Variants in ZNF211 observed in about 807,000 individuals in gnomAD.
ZNF211 encodes the protein zinc finger protein 211.
ZNF211 carries 18 observed loss-of-function variants against 12.1 expected under a neutral mutation model. The ratio of observed to expected loss-of-function variants is 1.48; its 90% CI spans 1.03 to 2.20. The LOEUF (loss-of-function observed/expected upper bound fraction) is 2.20, where lower values mean the gene tolerates loss of function less well. Ranked by LOEUF, ZNF211 falls within the 30% of genes most tolerant of loss-of-function variation. The pLI, the probability that ZNF211 is intolerant of heterozygous loss-of-function variation, is 0.00. For synonymous variants in ZNF211, 249 were observed against 246.0 expected (o/e 1.01, Z -0.11); for missense variants, 677 against 703.1 (o/e 0.96, Z 0.42).
intron 3 of ZNF211, among the ~76,000 whole-genome samples, chr19:57,639,720 C>G (rs1982629866): frequency 6.6e-6 from 1 of 151,980 alleles, no homozygotes; most frequent in Non-Finnish European, 1.5e-5. Flanking sequence ...GCCACCACGC[C>G]CAGTTCTTTG....
intron 3 of ZNF211, 144 bp downstream of exon 3, chr19:57,634,899 A>G (rs1981942685): frequency 7.8e-7 from 1 of 1,277,392 alleles, no homozygotes; most frequent in African/African-American, 1.5e-5. Context: ...ACTGAGTGCA[A>G]GCCTACTTCC....
At position 57,633,429 on chromosome 19, in the gene ZNF211, C is replaced by A; in HGVS notation, c.83C>A (p.Pro28Gln). Residue 28 changes from proline to glutamine, a missense_variant, in exon 1 of 4, where the codon CCG becomes CAG. Physicochemically the swap from Pro to Gln is moderately conservative, Grantham distance 76 (BLOSUM62 -1). Transcript: ENST00000240731. ...CGGATGGCGACCGCACTGAGGGACCCGGCTTCGGTGAGCGCTGCGATCTCC... is the reference window on the plus strand; with the variant it reads ...CGGATGGCGACCGCACTGAGGGACCAGGCTTCGGTGAGCGCTGCGATCTCC... Reference protein sequence around the residue: ...QTRMATALRDPASVPIATEVL... With the variant: ...QTRMATALRDQASVPIATEVL... The A allele has an allele frequency of 3.1e-6, 5 of 1,599,530 alleles. No individual in the cohort carries two copies. Among genetic ancestry groups the A allele is most frequent in the Non-Finnish European group, 3.4e-6 (4 of 1,177,510 alleles).
chr19:57,636,098 A>G (rs547209438), intron 3 of ZNF211, among the ~76,000 whole-genome samples: 1 of 152,272 alleles, frequency 6.6e-6, no homozygotes, highest in East Asian at 1.9e-4. Flanking sequence ...AGTATTAAAT[A>G]TAATTTTTTA....
At position 57,641,130 on chromosome 19, in the gene ZNF211, G is replaced by A. The variant is rs769600934; in HGVS notation, c.683G>A (p.Ser228Asn). 2.5e-6 allele frequency: 4 copies of A among 1,614,188 alleles called. No homozygotes were observed. In the South Asian group the frequency reaches 4.4e-5, roughly 18 times the overall value. Residue 228 changes from serine (S) to asparagine (N), a missense_variant, in exon 4 of 4, where the codon AGT becomes AAT. Physicochemically the swap from Ser to Asn is conservative, Grantham distance 46. Coordinates refer to ENST00000240731, the MANE Select transcript of ZNF211 (RefSeq NM_006385.5). Reference protein sequence around the residue: ...ATQTGEKPNNSNKCAVAFYSG... With the variant: ...ATQTGEKPNNNNKCAVAFYSG... ...CAAACAGGGGAGAAGCCAAATAACA[G>A]TAACAAGTGTGCGGTGGCCTTTTAC...
Position 57,637,031 on chromosome 19 carries a change from A to G in ZNF211, c.256+2276A>G, listed in dbSNP as rs114866483. Among the ~76,000 whole-genome samples the G allele has an allele frequency of 4.4e-3, 676 of 152,292 alleles. 9 individuals are homozygous for G. Among genetic ancestry groups the G allele is most frequent in the African/African-American group, 0.015 (640 of 41,572 alleles). On this transcript the variant is annotated intron_variant, in intron 3 of 3. Coordinates refer to ENST00000240731, the MANE Select transcript of ZNF211 (RefSeq NM_006385.5). ...GTATAGAAACGTAACTGATTTTTGC[A>G]TGTTGTATTTATATTCTCCTATTTG...
chr19:57,641,842 T>G lies in ZNF211; in HGVS notation c.1395T>G (p.Pro465=). The G allele has an allele frequency of 2.5e-6, 4 of 1,614,112 alleles. No homozygotes were observed. The highest frequency in any genetic ancestry group is 3.4e-6 in the Non-Finnish European group (4 of 1,180,018). The change falls in exon 4 of 4, where the codon CCT becomes CCG. Residue 465 remains proline, a synonymous_variant. Coordinates refer to ENST00000240731, the MANE Select transcript of ZNF211 (RefSeq NM_006385.5). ...SHRKVHTGER[P]YVCGECGKSF... ...GGAAAGTCCACACAGGGGAAAGGCC[T>G]TATGTGTGTGGGGAATGTGGGAAAT...
chr19:57,635,995 T>G (rs1389197744), intron 3 of ZNF211, among the ~76,000 whole-genome samples: 4 of 152,232 alleles, frequency 2.6e-5, no homozygotes, highest in Non-Finnish European at 5.9e-5. Context: ...CATCTATTCA[T>G]GTGCTGATTG....
intron 1 of ZNF211, 60 bp downstream of exon 1, chr19:57,633,496 C>T (rs1981704082): frequency 6.5e-7 from 1 of 1,527,226 alleles, no homozygotes. Context: ...AAGTGAGAGG[C>T]ACCAGCTCAC....
In ZNF211 at chr19:57,633,432, C is replaced by T. The variant is rs1327232351; in HGVS notation, c.86C>T (p.Ala29Val). The change falls in exon 1 of 4, where the codon GCT becomes GTT. Residue 29 changes from alanine to valine, a missense_variant. By Grantham distance (64) the Ala-to-Val change is moderately conservative. Transcript: ENST00000240731. ...ATGGCGACCGCACTGAGGGACCCGG[C>T]TTCGGTGAGCGCTGCGATCTCCGGG... is the stretch of plus-strand genomic sequence containing the variant. ...TRMATALRDPASVPIATEVLF... is the reference protein window; with the variant it reads ...TRMATALRDPVSVPIATEVLF... 1 of 1,598,334 alleles carries T rather than the reference C, an allele frequency of 6.3e-7. No homozygotes were observed.
At chr19:57,639,522 C>T (rs576688831) in intron 3 of ZNF211, among the ~76,000 whole-genome samples, 8 of 145,234 alleles carry the variant, frequency 5.5e-5, no homozygotes, top group Non-Finnish European at 7.5e-5. Flanking sequence ...CATAATCAAG[C>T]GATTATCCTG....
intron 3 of ZNF211, among the ~76,000 whole-genome samples, chr19:57,635,689 G>A (rs1982037400): frequency 6.6e-6 from 1 of 152,182 alleles, no homozygotes; most frequent in Non-Finnish European, 1.5e-5. Context: ...TAATATTACT[G>A]TGAACATGGG....
rs764612532 is a variant in ZNF211, at chr19:57,640,980, G to T, written c.533G>T (p.Ser178Ile). The change falls in exon 4 of 4, where the codon AGT becomes ATT. Residue 178 changes from serine (S) to isoleucine (I), a missense_variant. Ser to Ile is a moderately radical substitution (Grantham distance 142, BLOSUM62 -2). Coordinates refer to ENST00000240731, the MANE Select transcript of ZNF211 (RefSeq NM_006385.5). ...RQHITEAPFR[S>I]YVDTASFTQS... ...CACATTACAGAGGCACCTTTCAGAA[G>T]TTATGTGGACACTGCCTCGTTTACA... The T allele has an allele frequency of 1.9e-6, 3 of 1,614,106 alleles. No individual in the cohort carries two copies. The highest frequency in any genetic ancestry group is 3.3e-5 in the Admixed American group (2 of 60,006).
At chr19:57,635,597 A>T (rs1482640028) in intron 3 of ZNF211, among the ~76,000 whole-genome samples, 1 of 152,166 alleles carries the variant, frequency 6.6e-6, no homozygotes. Context: ...GCTGAATAAT[A>T]TTCTTTTGTA....
chr19:57,635,777 GTAAT>G (rs1275678067), intron 3 of ZNF211, among the ~76,000 whole-genome samples: 29 of 152,108 alleles, frequency 1.9e-4, no homozygotes, highest in Non-Finnish European at 8.8e-5. Context: ...GGATCATAAG[GTAAT>G]TATTTTTAAT....
chr19:57,638,796 G>C (rs537399547), intron 3 of ZNF211, among the ~76,000 whole-genome samples: 41 of 152,252 alleles, frequency 2.7e-4, no homozygotes, highest in African/African-American at 9.1e-4. Context: ...TGAGAGTCAG[G>C]TATTGATGTC....
intron 3 of ZNF211, among the ~76,000 whole-genome samples, chr19:57,638,163 T>C (rs1982382683): frequency 6.6e-6 from 1 of 152,202 alleles, no homozygotes; most frequent in Admixed American, 6.5e-5. Context: ...CTTCCCAAAG[T>C]GCTGGAATTA....
intron 3 of ZNF211, among the ~76,000 whole-genome samples, chr19:57,637,999 A>G (rs1365080079): frequency 6.6e-6 from 1 of 151,550 alleles, no homozygotes; most frequent in Non-Finnish European, 1.5e-5. Context: ...CCTGGATTCA[A>G]GCAATTCTCC....
Position 57,641,764 on chromosome 19 carries a change from G to A in ZNF211, c.1317G>A (p.Glu439=). 1 of 1,614,028 alleles carries A rather than the reference G, an allele frequency of 6.2e-7. No homozygotes were observed. The highest frequency in any genetic ancestry group is 8.5e-7 in the Non-Finnish European group (1 of 1,180,006). The change falls in exon 4 of 4, where the codon GAG becomes GAA. Residue 439 remains glutamate, a synonymous_variant. Coordinates refer to ENST00000240731, the MANE Select transcript of ZNF211 (RefSeq NM_006385.5). ...RRLHTGERPY[E]CSKCGKSFKQ... is the part of the protein sequence containing the mutation. ...TTCACACTGGAGAAAGACCCTATGA[G>A]TGCAGTAAATGTGGGAAGTCATTTA...
rs141567946 is a variant in ZNF211, at chr19:57,638,621, A to G, written c.257-2083A>G. 4.4e-3 allele frequency among the ~76,000 whole-genome samples: 676 copies of G among 152,324 alleles called. 9 individuals carry two copies. Among genetic ancestry groups the G allele is most frequent in the African/African-American group, 0.015 (640 of 41,568 alleles). ...TTTGTATGATGTGTGTCTAAATCAA[A>G]TGAGGCTTAATTTATGGTCTGTCCT... On this transcript the variant is annotated intron_variant, in intron 3 of 3. Coordinates refer to ENST00000240731, the MANE Select transcript of ZNF211 (RefSeq NM_006385.5).
Sources: gnomAD v4.1 joint callset for allele counts (sites outside exome capture counted in the v4.1 genomes callset) on GRCh38, gnomAD v4.1.1 for gene constraint, MANE v1.5 for transcripts, NCBI Gene and HGNC (gene_info 2026-07-23, HGNC 2026-07-21) for gene names.